The following KIAA1958 variants were observed in gnomAD, a reference collection of about 807,000 sequenced individuals.
KIAA1958 encodes the protein KIAA1958, also known as uncharacterized protein KIAA1958.
A neutral mutation model predicts 47.2 loss-of-function variants in KIAA1958; 14 were observed. That is an observed-to-expected ratio of 0.30 (90% CI 0.20 to 0.46). The LOEUF (loss-of-function observed/expected upper bound fraction) is 0.46. Ranked by LOEUF, KIAA1958 falls within the 20% of genes least tolerant of loss-of-function variation. The pLI is 1.00. For synonymous variants in KIAA1958, 354 were observed against 353.3 expected, an observed-to-expected ratio of 1.00 and a Z score of -0.02; for missense variants, 803 against 909.2, an observed-to-expected ratio of 0.88 and a Z score of 1.50.
At chr9:112,578,339 G>A (rs577837324) in intron 2 of KIAA1958, among the ~76,000 whole-genome samples, 43 of 152,078 alleles carry the variant, frequency 2.8e-4, no homozygotes, top group Non-Finnish European at 4.9e-4. Flanking sequence ...ACTTGGTTAC[G>A]GATGGACCTT....
intron 2 of KIAA1958, among the ~76,000 whole-genome samples, chr9:112,591,883 G>A (rs1371799218): frequency 6.6e-6 from 1 of 152,182 alleles, no homozygotes; most frequent in Non-Finnish European, 1.5e-5. Context: ...AGCAATGCAA[G>A]TGACTTCTAT....
chr9:112,601,573 G>A (rs752493908), intron 2 of KIAA1958, among the ~76,000 whole-genome samples: 1 of 152,196 alleles, frequency 6.6e-6, no homozygotes, highest in Non-Finnish European at 1.5e-5. Flanking sequence ...TGCAAGGTCA[G>A]TGCCTGGTCT....
chr9:112,638,337 A>G (rs1435908806), intron 2 of KIAA1958, among the ~76,000 whole-genome samples: 2 of 151,690 alleles, frequency 1.3e-5, no homozygotes, highest in East Asian at 1.9e-4. Flanking sequence ...GACCCCTGTC[A>G]CTACAAAAAA....
At chr9:112,507,768 C>CTCTTTCTT (rs764724203) in intron 1 of KIAA1958, among the ~76,000 whole-genome samples, 1 of 152,124 alleles carries the variant, frequency 6.6e-6, no homozygotes, top group Non-Finnish European at 1.5e-5. Flanking sequence ...TTCTCTCTCT[C>CTCTTTCTT]TCTTTCTTTC....
At chr9:112,646,426 A>T (rs191601603) in intron 3 of KIAA1958, among the ~76,000 whole-genome samples, 39 of 152,372 alleles carry the variant, frequency 2.6e-4, no homozygotes, top group African/African-American at 9.1e-4. Flanking sequence ...CATCCTAAGG[A>T]TTAGACAAAA....
At chr9:112,623,384 G>GT (rs1181066481) in intron 2 of KIAA1958, among the ~76,000 whole-genome samples, 9 of 152,192 alleles carry the variant, frequency 5.9e-5, no homozygotes, top group African/African-American at 2.2e-4. Context: ...CAGTTAATAT[G>GT]TAAGAGCATC....
At chr9:112,513,044 A>G (rs1381397091) in intron 1 of KIAA1958, among the ~76,000 whole-genome samples, 2 of 128,420 alleles carry the variant, frequency 1.6e-5, no homozygotes, top group African/African-American at 6.0e-5. Flanking sequence ...TTGCTCTGTC[A>G]CCCAGGCTGG....
chr9:112,514,524 G>C (rs1834379760), intron 1 of KIAA1958, among the ~76,000 whole-genome samples: 1 of 7,208 alleles, frequency 1.4e-4, no homozygotes, highest in African/African-American at 8.7e-4. Context: ...CGCCCCTACT[G>C]GGAAGTGAGG....
chr9:112,527,853 C>T (rs1834684668), intron 1 of KIAA1958, among the ~76,000 whole-genome samples: 1 of 151,022 alleles, frequency 6.6e-6, no homozygotes, highest in Admixed American at 6.6e-5. Context: ...GGAAGGATCA[C>T]TTGAACCTGG....
chr9:112,619,072 G>GATAATT, intron 2 of KIAA1958: 1 of 726,468 alleles, frequency 1.4e-6, no homozygotes, highest in East Asian at 6.8e-5. Flanking sequence ...ATAAGCCAAT[G>GATAATT]GAGATAATTT....
At chr9:112,552,456 C>T (rs1474305701) in intron 1 of KIAA1958, among the ~76,000 whole-genome samples, 1 of 152,196 alleles carries the variant, frequency 6.6e-6, no homozygotes, top group Admixed American at 6.5e-5. Context: ...GAAAAGTAGA[C>T]TGCCAGCCTG....
At chr9:112,628,465 AAAAT>A (rs1836656605) in intron 2 of KIAA1958, among the ~76,000 whole-genome samples, 1 of 152,220 alleles carries the variant, frequency 6.6e-6, no homozygotes, top group Non-Finnish European at 1.5e-5. Context: ...TAAAGCAATA[AAAAT>A]AAATTTAATT....
chr9:112,659,484 G>A lies in KIAA1958; in HGVS notation c.1566G>A (p.Met522Ile), dbSNP rs763465026. Residue 522 changes from methionine (M) to isoleucine (I), a missense_variant, in exon 4 of 4, where the codon ATG (methionine) becomes ATA (isoleucine). Transcript: ENST00000337530. The stretch of plus-strand genomic sequence containing the variant: ...TGTGGGTGCTGAGTAAGGCAGGCAT[G>A]TCGGGCGCGCGTTCTCGCAACATCG... ...EKLWVLSKAG[M>I]SGARSRNIVY... 6.2e-7 allele frequency: 1 copy of A among 1,613,772 alleles called. No individual in the cohort carries two copies. Among genetic ancestry groups the A allele is most frequent in the Admixed American group, 1.7e-5 (1 of 59,958 alleles).
intron 1 of KIAA1958, among the ~76,000 whole-genome samples, chr9:112,488,452 A>T (rs1342803697): frequency 6.6e-6 from 1 of 152,236 alleles, no homozygotes; most frequent in Non-Finnish European, 1.5e-5. Flanking sequence ...ACAGATTCAG[A>T]TTTTTAATAC....
At chr9:112,601,740 T>G (rs10513164) in intron 2 of KIAA1958, among the ~76,000 whole-genome samples, 2,212 of 152,276 alleles carry the variant, frequency 0.015, 60 homozygotes, top group African/African-American at 0.049. Flanking sequence ...ACTGGTAAAT[T>G]TTGTGTTCTA....
intron 2 of KIAA1958, among the ~76,000 whole-genome samples, chr9:112,633,316 A>G (rs956858672): frequency 2.6e-5 from 4 of 152,082 alleles, no homozygotes; most frequent in Admixed American, 1.3e-4. Flanking sequence ...AACAACAGAA[A>G]AGGGGGGATT....
In KIAA1958 at chr9:112,659,276, A is replaced by T. The variant is rs1482130353; in HGVS notation, c.1358A>T (p.Lys453Met). ...HTDITKIPAV[K>M]LNELLENFYV... ...GTCTCATTTGAGATCCCTGCAGTGA[A>T]GTTGAACGAGCTGCTCGAGAACTTT... Residue 453 changes from lysine to methionine, a missense_variant, in exon 4 of 4, where the codon AAG becomes ATG. Around this residue, in one of 2 missense-constraint regions of KIAA1958, gnomAD observed 761 missense variants for 829.3 expected, o/e 0.92. Coordinates refer to ENST00000337530, the MANE Select transcript of KIAA1958 (RefSeq NM_133465.4). 1 of 1,612,222 alleles carries T rather than the reference A, an allele frequency of 6.2e-7. No individual in the cohort carries two copies. Among genetic ancestry groups the T allele is most frequent in the Non-Finnish European group, 8.5e-7 (1 of 1,179,146 alleles).
chr9:112,637,884 C>G (rs10817363), intron 2 of KIAA1958, among the ~76,000 whole-genome samples: 1 of 151,930 alleles, frequency 6.6e-6, no homozygotes, highest in African/African-American at 2.4e-5. Flanking sequence ...CGCGGTGGCT[C>G]ACACCTGTAA....
chr9:112,640,415 C>T (rs1836872887), intron 2 of KIAA1958, among the ~76,000 whole-genome samples: 2 of 152,124 alleles, frequency 1.3e-5, no homozygotes, highest in South Asian at 4.2e-4. Context: ...TGTATCGTTT[C>T]TCCATATGTG....
Sources: gnomAD v4.1 joint callset for allele counts (sites outside exome capture counted in the v4.1 genomes callset) on GRCh38, gnomAD v4.1.1 for gene constraint, gnomAD v4.1.1 regional missense constraint, MANE v1.5 for transcripts, NCBI Gene and HGNC (gene_info 2026-07-23, HGNC 2026-07-21) for gene names.